Variants in COL28A1 observed in about 807,000 individuals in gnomAD.
COL28A1 encodes collagen alpha-1(XXVIII) chain.
A neutral mutation model predicts 150.2 loss-of-function variants in COL28A1; 161 were observed. The ratio of observed to expected loss-of-function variants is 1.07; its 90% CI spans 0.94 to 1.22. The LOEUF (loss-of-function observed/expected upper bound fraction) is 1.22. Ranked by LOEUF, COL28A1 falls within the 50% of genes most tolerant of loss-of-function variation. The probability of loss-of-function intolerance (pLI) is 0.00; values close to 1 mark genes in which losing one functional copy is unlikely to be tolerated. For missense variants in COL28A1, 1,617 were observed against 1,388.3 expected (o/e 1.16, Z -2.62); for synonymous variants, 552 against 469.7 (o/e 1.18, Z -2.26).
the COL28A1 span, among the ~76,000 whole-genome samples, chr7:7,343,073 A>T: frequency 6.6e-6 from 1 of 151,974 alleles, no homozygotes. Flanking sequence ...TTTATTAAGA[A>T]GCCAGTTGTA....
chr7:7,502,898 C>T (rs1455900265), intron 11 of COL28A1, among the ~76,000 whole-genome samples: 2 of 49,782 alleles, frequency 4.0e-5, no homozygotes, highest in East Asian at 5.5e-4. Context: ...GGGGTTTCAC[C>T]GTGTTAGCCA....
chr7:7,430,163 G>C (rs1784882064), intron 25 of COL28A1, among the ~76,000 whole-genome samples: 1 of 152,008 alleles, frequency 6.6e-6, no homozygotes, highest in Non-Finnish European at 1.5e-5. Context: ...GTTTCGCTCT[G>C]TCGCCCAGGC....
the COL28A1 span, among the ~76,000 whole-genome samples, chr7:7,347,779 C>T: frequency 4.6e-5 from 7 of 151,988 alleles, no homozygotes; most frequent in African/African-American, 1.7e-4. Context: ...CAAAAACAAG[C>T]CCAACCTAAT....
At chr7:7,477,907 C>G (rs1386296270) in intron 13 of COL28A1, among the ~76,000 whole-genome samples, 2 of 152,142 alleles carry the variant, frequency 1.3e-5, no homozygotes, top group Non-Finnish European at 1.5e-5. Flanking sequence ...GCTGATTGGT[C>G]CGTTTTGACA....
intron 15 of COL28A1, among the ~76,000 whole-genome samples, chr7:7,471,125 T>TAAAAAAAAAAAAAAAAAAGA (rs1788383602): frequency 1.1e-5 from 1 of 88,524 alleles, no homozygotes; most frequent in Non-Finnish European, 2.3e-5. Context: ...AAAAAATAAT[T>TAAAAAAAAAAAAAAAAAAGA]AAAAAAAAAA....
At position 7,477,174 on chromosome 7, in the gene COL28A1, G is replaced by C. The variant is rs373776262; in HGVS notation, c.1171C>G (p.Arg391Gly). The C allele has an allele frequency of 8.1e-7, 1 of 1,234,132 alleles. No individual in the cohort carries two copies. Among genetic ancestry groups the C allele is most frequent in the Admixed American group, 1.7e-5 (1 of 59,532 alleles). 76.4% of individuals were successfully genotyped at this position (1,234,132 alleles called of 1,614,324 possible). A position where few individuals can be genotyped will look rare whatever the true frequency, so the allele number is the denominator to read the frequency against. ...GVGEPGQPGP[R>G]GPEGVPGERG... ...TCTCCTGGTACTCCCTCAGGACCACGGGGACCCTGGTTAGGATAGGAGAAA... is the reference window on the plus strand; with the variant it reads ...TCTCCTGGTACTCCCTCAGGACCACCGGGACCCTGGTTAGGATAGGAGAAA... Residue 391 changes from arginine (R) to glycine (G), a missense_variant, in exon 14 of 35, where the codon CGT becomes GGT. Physicochemically the swap from Arg to Gly is moderately radical, Grantham distance 125. Coordinates refer to ENST00000399429, the MANE Select transcript of COL28A1 (RefSeq NM_001037763.3).
chr7:7,392,778 C>T (rs1782620666), intron 27 of COL28A1, among the ~76,000 whole-genome samples: 2 of 152,054 alleles, frequency 1.3e-5, no homozygotes, highest in South Asian at 4.1e-4. Flanking sequence ...GCTATTGATA[C>T]TTGTGTATGC....
At chr7:7,446,240 TA>T (rs1031595807) in intron 18 of COL28A1, among the ~76,000 whole-genome samples, 1 of 152,110 alleles carries the variant, frequency 6.6e-6, no homozygotes, top group Admixed American at 6.6e-5. Context: ...ATAGGTTTTT[TA>T]AAAGATATCA....
At chr7:7,374,038 A>AATATATATATATATATATATAT (rs60964603) in intron 31 of COL28A1, among the ~76,000 whole-genome samples, 6 of 113,654 alleles carry the variant, frequency 5.3e-5, no homozygotes, top group Non-Finnish European at 5.1e-5. Flanking sequence ...AAAAAAAAAA[A>AATATATATATATATATATATAT]ATATATATAT....
chr7:7,504,478 G>C (rs1263723445), intron 11 of COL28A1, among the ~76,000 whole-genome samples: 1 of 152,108 alleles, frequency 6.6e-6, no homozygotes, highest in African/African-American at 2.4e-5. Flanking sequence ...CCAGCTGGGG[G>C]AACAGAGCAA....
intron 33 of COL28A1, among the ~76,000 whole-genome samples, chr7:7,364,949 G>A (rs1780857871): frequency 6.6e-6 from 1 of 152,106 alleles, no homozygotes; most frequent in African/African-American, 2.4e-5. Flanking sequence ...TATGCAAAGA[G>A]CGAAAGAGAA....
At chr7:7,478,653 C>T (rs562633223) in intron 13 of COL28A1, among the ~76,000 whole-genome samples, 43 of 152,378 alleles carry the variant, frequency 2.8e-4, no homozygotes, top group African/African-American at 1.0e-3. Context: ...TGGGGAGACT[C>T]AGGCATGGCA....
chr7:7,482,252 TG>T (rs1779368243), intron 13 of COL28A1, among the ~76,000 whole-genome samples: 1 of 152,160 alleles, frequency 6.6e-6, no homozygotes, highest in Non-Finnish European at 1.5e-5. Flanking sequence ...TGGCTGAGCA[TG>T]GTGGCTCAGG....
At chr7:7,473,191 C>T (rs1431048949) in intron 15 of COL28A1, among the ~76,000 whole-genome samples, 2 of 152,052 alleles carry the variant, frequency 1.3e-5, no homozygotes, top group Admixed American at 1.3e-4. Flanking sequence ...CTTAATTAAA[C>T]TAAAAAGCTT....
Position 7,358,610 on chromosome 7 carries a change from T to A in COL28A1, c.*23A>T. On this transcript the variant is annotated 3_prime_UTR_variant, in exon 35 of 35. Transcript: ENST00000399429. Reference sequence around the variant, plus strand: ...AAATTAGGGAGTTCTATGCTTTTGATAGAGACAGGCCAATTTACTTGCTCA... The same window carrying A: ...AAATTAGGGAGTTCTATGCTTTTGAAAGAGACAGGCCAATTTACTTGCTCA... The A allele has an allele frequency of 6.2e-7, 1 of 1,610,788 alleles. No homozygotes were observed. The highest frequency in any genetic ancestry group is 8.5e-7 in the Non-Finnish European group (1 of 1,177,664).
chr7:7,426,826 T>G (rs1180964317), intron 25 of COL28A1, among the ~76,000 whole-genome samples: 1 of 152,222 alleles, frequency 6.6e-6, no homozygotes, highest in Non-Finnish European at 1.5e-5. Context: ...AGAACTTCAC[T>G]GGAGAGCAAG....
At chr7:7,455,375 C>T (rs993939626) in intron 16 of COL28A1, among the ~76,000 whole-genome samples, 30 of 152,156 alleles carry the variant, frequency 2.0e-4, no homozygotes, top group African/African-American at 7.2e-4. Flanking sequence ...ACTATCTTCA[C>T]ATTATTTAGA....
downstream of COL28A1, chr7:7,356,227 A>C (rs986076766): frequency 3.9e-5 from 6 of 152,200 alleles, no homozygotes; most frequent in African/African-American, 1.4e-4. Context: ...TAAAATAAGC[A>C]AGGCTAAATA....
chr7:7,391,363 C>G (rs1291697764), intron 27 of COL28A1, among the ~76,000 whole-genome samples: 1 of 152,086 alleles, frequency 6.6e-6, no homozygotes, highest in East Asian at 1.9e-4. Context: ...GATTTCCATT[C>G]TTTTGCATTT....
Sources: gnomAD v4.1 joint callset for allele counts (sites outside exome capture counted in the v4.1 genomes callset) on GRCh38, gnomAD v4.1.1 for gene constraint, MANE v1.5 for transcripts, NCBI Gene and HGNC (gene_info 2026-07-23, HGNC 2026-07-21) for gene names.